The following CCNY variants were observed in gnomAD, a reference collection of about 807,000 sequenced individuals.
CCNY encodes cyclin Y.
A neutral mutation model predicts 42.8 loss-of-function variants in CCNY; 19 were observed. The observed-to-expected ratio is 0.44, with a 90% CI of 0.31 to 0.65. The LOEUF (loss-of-function observed/expected upper bound fraction) is 0.65. CCNY is among the 30% of genes least tolerant of loss of function. The probability of loss-of-function intolerance (pLI) is 0.07; values close to 1 mark genes in which losing one functional copy is unlikely to be tolerated. For synonymous variants in CCNY, 165 were observed against 162.7 expected (o/e 1.01, Z -0.11); for missense variants, 370 against 437.3 (o/e 0.85, Z 1.37).
At chr10:35,333,058 A>T (rs1835964816), upstream of CCNY, among the ~76,000 whole-genome samples, 1 of 151,988 alleles carries the variant, frequency 6.6e-6, no homozygotes, top group South Asian at 2.1e-4. Flanking sequence ...TTCTTTTAAG[A>T]GACAGGGTCT....
chr10:35,282,689 C>T (rs1248123467), intron 3 of CCNY, among the ~76,000 whole-genome samples: 6 of 144,598 alleles, frequency 4.1e-5, no homozygotes, highest in Non-Finnish European at 6.0e-5. Context: ...CGCCACTGCA[C>T]TCCAGCCCGG....
intron 3 of CCNY, among the ~76,000 whole-genome samples, chr10:35,270,522 G>A (rs556972825): frequency 3.4e-4 from 51 of 152,148 alleles, no homozygotes; most frequent in African/African-American, 1.1e-3. Flanking sequence ...TTCTCACTAT[G>A]CAAAAATTAA....
chr10:35,458,044 T>G (rs1472956304), intron 1 of CCNY, among the ~76,000 whole-genome samples: 2 of 152,264 alleles, frequency 1.3e-5, no homozygotes, highest in African/African-American at 2.4e-5. Context: ...GGACATGTTA[T>G]GTACGTGTTC....
At chr10:35,535,984 A>C (rs920454515) in intron 7 of CCNY, among the ~76,000 whole-genome samples, 6 of 152,180 alleles carry the variant, frequency 3.9e-5, no homozygotes, top group African/African-American at 1.4e-4. Context: ...GGCTATTATG[A>C]ATCCTGCTGC....
upstream of CCNY, chr10:35,336,446 G>A (rs943629872): frequency 4.0e-5 from 6 of 151,742 alleles, no homozygotes; most frequent in Non-Finnish European, 5.9e-5. Flanking sequence ...GGAAGGGGCG[G>A]TGACGGGGCG....
At chr10:35,477,522 G>C (rs988271090) in intron 1 of CCNY, among the ~76,000 whole-genome samples, 9 of 151,518 alleles carry the variant, frequency 5.9e-5, no homozygotes, top group African/African-American at 2.2e-4. Context: ...TATAAACAGA[G>C]CCAAAGACAA....
At chr10:35,473,736 A>C (rs1388158867) in intron 1 of CCNY, among the ~76,000 whole-genome samples, 1 of 152,186 alleles carries the variant, frequency 6.6e-6, no homozygotes, top group Non-Finnish European at 1.5e-5. Flanking sequence ...TTAATTTATT[A>C]CTTTTAATTT....
intron 3 of CCNY, among the ~76,000 whole-genome samples, chr10:35,319,640 C>T (rs1835798877): frequency 6.6e-6 from 1 of 152,048 alleles, no homozygotes; most frequent in African/African-American, 2.4e-5. Context: ...CTTTGGGAGG[C>T]CGAGGTGGGT....
intron 1 of CCNY, among the ~76,000 whole-genome samples, chr10:35,479,658 A>G (rs556750145): frequency 5.0e-4 from 75 of 150,542 alleles, no homozygotes; most frequent in Non-Finnish European, 9.3e-4. Context: ...ACCTAATGCT[A>G]GATGACGAGT....
chr10:35,279,061 C>T (rs576774962), intron 3 of CCNY, among the ~76,000 whole-genome samples: 8 of 150,104 alleles, frequency 5.3e-5, no homozygotes, highest in Admixed American at 1.3e-4. Flanking sequence ...GTGTTAGAGT[C>T]GTGATTAAAA....
intron 4 of CCNY, among the ~76,000 whole-genome samples, chr10:35,519,844 T>A (rs1189373310): frequency 6.9e-6 from 1 of 145,766 alleles, no homozygotes. Flanking sequence ...AGTGGCATGA[T>A]CTCAGCTCAC....
intron 3 of CCNY, among the ~76,000 whole-genome samples, chr10:35,290,055 T>C (rs1835393652): frequency 6.6e-6 from 1 of 151,784 alleles, no homozygotes; most frequent in African/African-American, 2.4e-5. Context: ...GGAACCCTGC[T>C]GTCTACTAAA....
At chr10:35,426,111 GCACACACACACACACA>G (rs1055933724) in intron 1 of CCNY, among the ~76,000 whole-genome samples, 12 of 80,464 alleles carry the variant, frequency 1.5e-4, no homozygotes, top group African/African-American at 5.9e-4. Context: ...TCCAGCACGC[GCACACACACACACACA>G]CACACACACA....
intron 1 of CCNY, among the ~76,000 whole-genome samples, chr10:35,446,956 A>G (rs993387732): frequency 2.0e-5 from 3 of 152,234 alleles, no homozygotes; most frequent in African/African-American, 7.2e-5. Context: ...GATTTTGGAA[A>G]ACATATAGTT....
At chr10:35,262,888 GA>G (rs1329140321) in intron 3 of CCNY, among the ~76,000 whole-genome samples, 7 of 149,828 alleles carry the variant, frequency 4.7e-5, no homozygotes. Context: ...AATGAAACAT[GA>G]AAAAAATTCT....
intron 1 of CCNY, among the ~76,000 whole-genome samples, chr10:35,341,134 C>T (rs1034683388): frequency 1.3e-5 from 2 of 152,208 alleles, no homozygotes; most frequent in South Asian, 2.1e-4. Context: ...TTACAGTGGT[C>T]GCTGGGGCCC....
chr10:35,433,437 T>C (rs992029656), intron 1 of CCNY, among the ~76,000 whole-genome samples: 4 of 152,336 alleles, frequency 2.6e-5, no homozygotes, highest in African/African-American at 9.6e-5. Flanking sequence ...GGTAGTTATT[T>C]GACAGGTTCT....
At chr10:35,290,769 A>G (rs1205565050) in intron 3 of CCNY, among the ~76,000 whole-genome samples, 2 of 152,210 alleles carry the variant, frequency 1.3e-5, no homozygotes, top group East Asian at 1.9e-4. Context: ...CGAAACCAGC[A>G]TGGGCAACAT....
At chr10:35,289,911 T>C (rs1835392274) in intron 3 of CCNY, among the ~76,000 whole-genome samples, 1 of 150,724 alleles carries the variant, frequency 6.6e-6, no homozygotes, top group Non-Finnish European at 1.5e-5. Context: ...CCTTCAATTA[T>C]TTGTTGACTA....
Sources: gnomAD v4.1 joint callset for allele counts (sites outside exome capture counted in the v4.1 genomes callset) on GRCh38, gnomAD v4.1.1 for gene constraint, MANE v1.5 for transcripts, NCBI Gene and HGNC (gene_info 2026-07-23, HGNC 2026-07-21) for gene names.